Variants in FRMD5 observed in about 807,000 individuals in gnomAD.
The protein encoded by FRMD5 is FERM domain containing 5.
In FRMD5, 20 loss-of-function variants were observed where a neutral mutation model predicts 69.0. The observed-to-expected ratio is 0.29, with a 90% confidence interval of 0.20 to 0.42. The LOEUF is 0.42. FRMD5 is among the 10% of genes least tolerant of loss of function. The probability of loss-of-function intolerance (pLI) is 1.00; values close to 1 mark genes in which losing one functional copy is unlikely to be tolerated. For synonymous variants in FRMD5, 271 were observed against 260.1 expected, an observed-to-expected ratio of 1.04 and a Z score of -0.40; for missense variants, 595 against 708.6, an observed-to-expected ratio of 0.84 and a Z score of 1.82.
intron 13 of FRMD5, among the ~76,000 whole-genome samples, chr15:43,877,033 G>C (rs1157500501): frequency 6.6e-6 from 1 of 152,174 alleles, no homozygotes; most frequent in Non-Finnish European, 1.5e-5. Context: ...CAGCCACCCA[G>C]GCCAGAGGCT....
intron 1 of FRMD5, among the ~76,000 whole-genome samples, chr15:44,086,283 A>AT (rs1203628758): frequency 1.3e-5 from 2 of 152,356 alleles, no homozygotes; most frequent in African/African-American, 2.4e-5. Flanking sequence ...AGCTCTATTC[A>AT]TAACACCCAA....
At chr15:44,074,295 T>A (rs1893666660) in intron 1 of FRMD5, among the ~76,000 whole-genome samples, 1 of 152,210 alleles carries the variant, frequency 6.6e-6, no homozygotes, top group African/African-American at 2.4e-5. Flanking sequence ...TTTTTTCTTT[T>A]TTCTGAGCTG....
At chr15:44,069,889 T>TA (rs1242377154) in intron 1 of FRMD5, among the ~76,000 whole-genome samples, 5 of 152,168 alleles carry the variant, frequency 3.3e-5, no homozygotes, top group Admixed American at 6.6e-5. Flanking sequence ...GTTTAATTTT[T>TA]AAAAAATAGC....
intron 1 of FRMD5, among the ~76,000 whole-genome samples, chr15:44,013,569 T>C (rs1198347172): frequency 3.3e-5 from 5 of 152,228 alleles, no homozygotes; most frequent in African/African-American, 1.2e-4. Context: ...TGTAGGCCTA[T>C]ACTATTCTGA....
intron 1 of FRMD5, among the ~76,000 whole-genome samples, chr15:43,969,110 C>T (rs1190308227): frequency 6.8e-6 from 1 of 147,298 alleles, no homozygotes; most frequent in Non-Finnish European, 1.5e-5. Context: ...TTTTTGGAGA[C>T]AGGATCTTGC....
intron 1 of FRMD5, among the ~76,000 whole-genome samples, chr15:44,073,438 T>G (rs1375408396): frequency 6.6e-6 from 1 of 152,238 alleles, no homozygotes; most frequent in East Asian, 1.9e-4. Context: ...ATTTGAAGAC[T>G]GCCTGCTAAA....
At chr15:43,964,514 A>G (rs2090261194) in intron 1 of FRMD5, among the ~76,000 whole-genome samples, 1 of 150,980 alleles carries the variant, frequency 6.6e-6, no homozygotes. Flanking sequence ...AAAAAAAACA[A>G]AAGAAAAGAA....
chr15:43,880,998 G>T (rs933981954), intron 13 of FRMD5, among the ~76,000 whole-genome samples: 3 of 152,186 alleles, frequency 2.0e-5, no homozygotes, highest in Non-Finnish European at 2.9e-5. Context: ...CCTCTGAGTT[G>T]TTCTACTAAC....
At chr15:43,884,028 C>G (rs1243158848) in intron 12 of FRMD5, among the ~76,000 whole-genome samples, 1 of 152,290 alleles carries the variant, frequency 6.6e-6, no homozygotes, top group African/African-American at 2.4e-5. Flanking sequence ...CTAGACTCAT[C>G]TGAACCTTTT....
At chr15:43,999,375 A>G (rs994635511) in intron 1 of FRMD5, among the ~76,000 whole-genome samples, 6 of 152,180 alleles carry the variant, frequency 3.9e-5, no homozygotes, top group Non-Finnish European at 7.4e-5. Context: ...GCCTTTAATT[A>G]TAAGTGTGCA....
intron 1 of FRMD5, among the ~76,000 whole-genome samples, chr15:43,958,216 T>C (rs974694399): frequency 6.6e-6 from 1 of 152,166 alleles, no homozygotes; most frequent in African/African-American, 2.4e-5. Context: ...GCCCATGTAG[T>C]TTCATGGCTA....
chr15:43,877,634 G>T (rs115948247), intron 13 of FRMD5, among the ~76,000 whole-genome samples: 1 of 152,240 alleles, frequency 6.6e-6, no homozygotes, highest in Non-Finnish European at 1.5e-5. Context: ...ATTGCGTCAC[G>T]GCTCATATAT....
chr15:43,972,552 T>G (rs1237986557), intron 1 of FRMD5, among the ~76,000 whole-genome samples: 1 of 152,182 alleles, frequency 6.6e-6, no homozygotes, highest in Non-Finnish European at 1.5e-5. Context: ...TACCTCTTCC[T>G]CTGGGTAACC....
chr15:44,115,407 CTT>C (rs1390246758), intron 1 of FRMD5, among the ~76,000 whole-genome samples: 4 of 152,092 alleles, frequency 2.6e-5, no homozygotes, highest in African/African-American at 7.2e-5. Context: ...GCAAAATAAA[CTT>C]AACATATTCT....
intron 4 of FRMD5, among the ~76,000 whole-genome samples, chr15:43,913,384 AT>A (rs1251976509): frequency 1.3e-5 from 2 of 152,226 alleles, no homozygotes; most frequent in Non-Finnish European, 2.9e-5. Context: ...AGATGAGCTC[AT>A]GAAAGAATCA....
chr15:43,877,337 C>CT (rs569797545), intron 13 of FRMD5, among the ~76,000 whole-genome samples: 77 of 152,328 alleles, frequency 5.1e-4, no homozygotes, highest in South Asian at 2.5e-3. Context: ...CAAAGGGTCT[C>CT]TTTTTTCCCC....
chr15:43,902,768 G>A (rs956888687), intron 6 of FRMD5, among the ~76,000 whole-genome samples: 8 of 151,972 alleles, frequency 5.3e-5, no homozygotes, highest in Middle Eastern at 3.4e-3. Flanking sequence ...TGATTTTTAT[G>A]TGGTATTTCA....
intron 1 of FRMD5, among the ~76,000 whole-genome samples, chr15:44,189,879 G>T: frequency 6.6e-6 from 1 of 152,164 alleles, no homozygotes; most frequent in East Asian, 1.9e-4. Context: ...ATAGACATAT[G>T]AATTGGCGAT....
rs1379102057 is a variant in FRMD5, at chr15:43,950,666, A to G, written c.103-26357T>C. 3.3e-5 allele frequency among the ~76,000 whole-genome samples: 5 copies of G among 152,216 alleles called. No homozygotes were observed. In the East Asian group the frequency reaches 9.6e-4, roughly 29 times the overall value. On this transcript the variant is annotated intron_variant, in intron 1 of 13. Transcript: ENST00000417257. Reference sequence around the variant, plus strand: ...GGATCTGAGTCCCCAGAGTGAGCTCAGCTTGGGACCTGGCATCCTGAGATG... The same window carrying G: ...GGATCTGAGTCCCCAGAGTGAGCTCGGCTTGGGACCTGGCATCCTGAGATG...
Sources: allele counts gnomAD v4.1 joint callset (sites outside exome capture counted in the v4.1 genomes callset), GRCh38; gene constraint gnomAD v4.1.1; transcripts MANE v1.5; gene names NCBI Gene and HGNC (gene_info 2026-07-23, HGNC 2026-07-21).